The following ELL2 variants were observed in gnomAD, a reference collection of about 807,000 sequenced individuals.
The protein encoded by ELL2 is elongation factor for RNA polymerase II 2.
In ELL2, 21 loss-of-function variants were observed where a neutral mutation model predicts 72.8. The observed-to-expected ratio is 0.29, with a 90% CI of 0.20 to 0.42. The LOEUF (loss-of-function observed/expected upper bound fraction) is 0.42. ELL2 is among the 10% of genes least tolerant of loss of function. ELL2 has a pLI of 1.00. For missense variants in ELL2, 568 were observed against 772.8 expected (o/e 0.73, Z 3.14); for synonymous variants, 266 against 283.2 (o/e 0.94, Z 0.61).
chr5:95,890,255 A>G (rs527273004), intron 10 of ELL2, among the ~76,000 whole-genome samples: 6 of 152,292 alleles, frequency 3.9e-5, no homozygotes, highest in Admixed American at 2.0e-4. Flanking sequence ...CTTGTTGAAA[A>G]AGATTAAGGC....
intron 1 of ELL2, among the ~76,000 whole-genome samples, chr5:95,946,756 C>A (rs1751172966): frequency 6.6e-6 from 1 of 152,190 alleles, no homozygotes; most frequent in Non-Finnish European, 1.5e-5. Context: ...GCATAAATTC[C>A]CAAGCTCTAC....
chr5:95,912,268 C>T (rs3777190), intron 4 of ELL2, among the ~76,000 whole-genome samples: 44,082 of 151,838 alleles, frequency 0.29, 6,542 homozygotes, highest in East Asian at 0.41. Context: ...CAGTCATCAT[C>T]GCTGATTTTC....
intron 10 of ELL2, among the ~76,000 whole-genome samples, chr5:95,889,423 T>C (rs1748578622): frequency 6.6e-6 from 1 of 152,190 alleles, no homozygotes; most frequent in Non-Finnish European, 1.5e-5. Context: ...AAAATTGAAA[T>C]GTCCATCAAT....
intron 4 of ELL2, among the ~76,000 whole-genome samples, chr5:95,910,684 T>C (rs984365281): frequency 6.6e-6 from 1 of 152,110 alleles, no homozygotes; most frequent in African/African-American, 2.4e-5. Context: ...CCTTCCTCCC[T>C]AGTCTAGCTG....
intron 3 of ELL2, among the ~76,000 whole-genome samples, chr5:95,919,039 T>A (rs1398376494): frequency 2.6e-5 from 4 of 152,140 alleles, no homozygotes; most frequent in Admixed American, 2.0e-4. Context: ...AAGATGGATA[T>A]TTTTAACTTC....
chr5:95,913,962 G>A (rs1478981665), intron 3 of ELL2, 28 bp from the exon 4 acceptor site: 5 of 1,553,348 alleles, frequency 3.2e-6, no homozygotes, highest in Non-Finnish European at 4.3e-6. Flanking sequence ...GGCTTTGTTA[G>A]ACATGACCTT....
intron 5 of ELL2, among the ~76,000 whole-genome samples, chr5:95,903,962 T>G (rs1749248753): frequency 6.6e-6 from 1 of 151,836 alleles, no homozygotes; most frequent in East Asian, 2.1e-4. Flanking sequence ...CCTCATTGTC[T>G]CCCTACACCT....
rs556672807 is a variant in ELL2, at chr5:95,958,382, G to A, written c.147+3193C>T. Among the ~76,000 whole-genome samples the A allele has an allele frequency of 3.3e-5, 5 of 152,314 alleles. No homozygotes were observed. In the South Asian group the frequency reaches 1.0e-3, roughly 32 times the overall value. On this transcript the variant is annotated intron_variant, in intron 1 of 11. Transcript: ENST00000237853. The stretch of plus-strand genomic sequence containing the variant: ...GCCTACTGCTAGCAACTCTTACTGT[G>A]CCCATAGAGGTACACTGGTCTGGCT...
At position 95,898,707 on chromosome 5, in the gene ELL2, T is replaced by C. The variant is rs1455592423; in HGVS notation, c.1058A>G (p.Asn353Ser). The change falls in exon 8 of 12, where the codon AAT (asparagine) becomes AGT (serine). Residue 353 changes from asparagine (N) to serine (S), a missense_variant. By Grantham distance (46) the Asn-to-Ser change is conservative (BLOSUM62 1). This residue lies in a region of ELL2 where 511 missense variants were observed against 728.4 expected (regional missense o/e 0.70). Coordinates refer to ENST00000237853, the MANE Select transcript of ELL2 (RefSeq NM_012081.6). ...TGCAGCAGATTTTTCACTGGTGGGA[T>C]TCAAATGACCATTTAGTGTTGGTGG... The part of the protein sequence containing the change: ...RVPPTLNGHL[N>S]PTSEKSAAGL... 4 of 1,612,326 alleles carry C rather than the reference T, an allele frequency of 2.5e-6. No individual in the cohort carries two copies. The highest frequency in any genetic ancestry group is 3.4e-6 in the Non-Finnish European group (4 of 1,179,072).
intron 2 of ELL2, among the ~76,000 whole-genome samples, chr5:95,933,898 A>G (rs56002885): frequency 0.22 from 34,179 of 152,020 alleles, 3,924 homozygotes; most frequent in East Asian, 0.38. Context: ...AAGAAGGAAC[A>G]AAACACTGTC....
intron 2 of ELL2, among the ~76,000 whole-genome samples, chr5:95,933,396 C>T (rs1043777822): frequency 2.6e-5 from 4 of 152,024 alleles, no homozygotes; most frequent in African/African-American, 9.7e-5. Context: ...AGGAGAATGG[C>T]TAAATGATAG....
At chr5:95,960,943 C>T (rs1451956961) in intron 1 of ELL2, among the ~76,000 whole-genome samples, 1 of 151,886 alleles carries the variant, frequency 6.6e-6, no homozygotes, top group Non-Finnish European at 1.5e-5. Context: ...CACGGACTGC[C>T]TAAGTCCCTA....
rs1750342932 is a variant in ELL2, at chr5:95,927,400, T to TACACACACGTGTGTATATATAGACATAC, written c.196-7856_196-7855insGTATGTCTATATATACACACGTGTGTGT. Among the ~76,000 whole-genome samples, 28 of 29,480 alleles carry TACACACACGTGTGTATATATAGACATAC rather than the reference T, an allele frequency of 9.5e-4. 9 individuals are homozygous for TACACACACGTGTGTATATATAGACATAC. The highest frequency in any genetic ancestry group is 1.3e-3 in the Non-Finnish European group (23 of 17,968). The allele number at this position is 29,480 out of a possible 152,430, so 19.3% of individuals were successfully genotyped here. A position where few individuals can be genotyped will look rare whatever the true frequency, so the allele number is the denominator to read the frequency against. On this transcript the variant is annotated intron_variant, in intron 2 of 11. Transcript: ENST00000237853. ...ACACACACGTGTGTATATATAGACATACACACACGTGTGTATATAGACATA... is the reference window on the plus strand; with the variant it reads ...ACACACACGTGTGTATATATAGACATACACACACGTGTGTATATATAGACATACACACACACGTGTGTATATAGACATA...
intron 5 of ELL2, 126 bp from the exon 6 acceptor site, chr5:95,901,206 TTG>T: frequency 1.0e-6 from 1 of 987,254 alleles, no homozygotes; most frequent in Non-Finnish European, 1.4e-6. Flanking sequence ...ACTGCTAGTT[TTG>T]TATTATATGC....
At chr5:95,926,800 TATC>T (rs1010782213) in intron 2 of ELL2, among the ~76,000 whole-genome samples, 3 of 152,154 alleles carry the variant, frequency 2.0e-5, no homozygotes, top group Non-Finnish European at 4.4e-5. Context: ...TTGGAGAAAA[TATC>T]ATCGACGGCA....
At chr5:95,928,879 T>C (rs1750490471) in intron 2 of ELL2, among the ~76,000 whole-genome samples, 1 of 152,220 alleles carries the variant, frequency 6.6e-6, no homozygotes, top group South Asian at 2.1e-4. Context: ...TGTAAGCTTC[T>C]TAACAGTATA....
intron 8 of ELL2, among the ~76,000 whole-genome samples, chr5:95,897,219 A>T (rs1321356096): frequency 6.6e-6 from 1 of 152,272 alleles, no homozygotes. Context: ...AAGATGGTCA[A>T]TTAAATCTAA....
Position 95,887,375 on chromosome 5 carries a change from ACAAAGT to A in ELL2, c.*1490_*1495del, listed in dbSNP as rs1748500535. The A allele has an allele frequency of 7.2e-5, 11 of 152,670 alleles. No homozygotes were observed. The highest frequency in any genetic ancestry group is 7.2e-4 in the Admixed American group (11 of 15,282). 9.5% of individuals were successfully genotyped at this position (152,670 alleles called of 1,614,324 possible). On this transcript the variant is annotated 3_prime_UTR_variant, in exon 12 of 12. Transcript: ENST00000237853. ...TTTTTCTGGTTTACAGTGATACACA[ACAAAGT>A]TATTCATTTATTTTTCTGGATGCTG...
Position 95,898,312 on chromosome 5 carries a change from C to G in ELL2, c.1453G>C (p.Glu485Gln). 1 of 1,613,286 alleles carries G rather than the reference C, an allele frequency of 6.2e-7. No homozygotes were observed. Among genetic ancestry groups the G allele is most frequent in the East Asian group, 2.2e-5 (1 of 44,882 alleles). Residue 485 changes from glutamate to glutamine, a missense_variant, in exon 8 of 12, where the codon GAA becomes CAA. Physicochemically the swap from Glu to Gln is conservative, Grantham distance 29. Coordinates refer to ENST00000237853, the MANE Select transcript of ELL2 (RefSeq NM_012081.6). The part of the protein sequence containing the change: ...IKKHDIETIE[E>Q]KEEDLKREEE... ...TCTCTCTTAAGATCTTCCTCCTTTT[C>G]CTCAATAGTCTCAATGTCGTGCTTT...
Sources: gnomAD v4.1 joint callset for allele counts (sites outside exome capture counted in the v4.1 genomes callset) on GRCh38, gnomAD v4.1.1 for gene constraint, gnomAD v4.1.1 regional missense constraint, MANE v1.5 for transcripts, NCBI Gene and HGNC (gene_info 2026-07-23, HGNC 2026-07-21) for gene names.